The following UNC13C variants were observed in gnomAD, a reference collection of about 807,000 sequenced individuals.
UNC13C encodes the protein unc-13 homolog C, also known as protein unc-13 homolog C.
Under a neutral mutation model 245.4 loss-of-function variants are expected in UNC13C, and 174 were observed. The observed-to-expected ratio is 0.71, with a 90% CI of 0.63 to 0.80. UNC13C has a LOEUF of 0.80. UNC13C is among the 30% of genes least tolerant of loss of function. The pLI, the probability that UNC13C is intolerant of heterozygous loss-of-function variation, is 0.00. For synonymous variants in UNC13C, 992 were observed against 895.1 expected (o/e 1.11, Z -1.93); for missense variants, 2,829 against 2,602.9 (o/e 1.09, Z -1.89).
intron 30 of UNC13C, among the ~76,000 whole-genome samples, chr15:54,582,456 G>T (rs1271029141): frequency 6.6e-6 from 1 of 152,164 alleles, no homozygotes; most frequent in African/African-American, 2.4e-5. Flanking sequence ...AATTCAGGAG[G>T]TGATTCTTGA....
intron 30 of UNC13C, among the ~76,000 whole-genome samples, chr15:54,610,946 A>G (rs975470160): frequency 2.0e-5 from 3 of 152,232 alleles, no homozygotes; most frequent in African/African-American, 7.2e-5. Context: ...AAAAAATTTT[A>G]GACAACTATA....
At chr15:54,152,325 C>A (rs747784290) in intron 4 of UNC13C, among the ~76,000 whole-genome samples, 2 of 152,062 alleles carry the variant, frequency 1.3e-5, no homozygotes, top group Non-Finnish European at 2.9e-5. Context: ...AGTTAAGAAA[C>A]CTGAAGACAG....
the UNC13C span, among the ~76,000 whole-genome samples, chr15:53,894,774 G>A: frequency 6.6e-6 from 1 of 152,056 alleles, no homozygotes; most frequent in African/African-American, 2.4e-5. Context: ...GACTGTAAAT[G>A]AGTTTTTTAT....
intron 30 of UNC13C, among the ~76,000 whole-genome samples, chr15:54,585,031 A>C (rs1898414361): frequency 6.6e-6 from 1 of 152,172 alleles, no homozygotes; most frequent in African/African-American, 2.4e-5. Context: ...CCAGACTACC[A>C]TTGGTTATCC....
intron 30 of UNC13C, among the ~76,000 whole-genome samples, chr15:54,603,408 C>T (rs1019041809): frequency 6.6e-6 from 1 of 152,198 alleles, no homozygotes; most frequent in Non-Finnish European, 1.5e-5. Context: ...GTGAAAGATG[C>T]TTATCTGGTT....
At chr15:54,537,724 G>A (rs546354119) in intron 26 of UNC13C, among the ~76,000 whole-genome samples, 2 of 151,798 alleles carry the variant, frequency 1.3e-5, no homozygotes, top group African/African-American at 2.4e-5. Flanking sequence ...ACAAAAACAA[G>A]CAGGAAGGGA....
intron 17 of UNC13C, among the ~76,000 whole-genome samples, chr15:54,347,302 C>T (rs1049393496): frequency 6.6e-6 from 1 of 152,168 alleles, no homozygotes; most frequent in African/African-American, 2.4e-5. Context: ...TACAGTCTCC[C>T]TCCACACCTA....
Position 54,418,878 on chromosome 15 carries a change from T to G in UNC13C, c.4933+3811T>G, listed in dbSNP as rs147307850. Among the ~76,000 whole-genome samples, 270 of 152,226 alleles carry G rather than the reference T, an allele frequency of 1.8e-3. 1 individual carries two copies. The highest frequency in any genetic ancestry group is 6.1e-3 in the African/African-American group (255 of 41,556). On this transcript the variant is annotated intron_variant, in intron 19 of 32. Coordinates refer to ENST00000260323, the MANE Select transcript of UNC13C (RefSeq NM_001080534.3). ...CAGTGTTAATACCATTGACCTAAAC[T>G]TGGAAGCACAGTTCCTCTTTCACAC...
At chr15:54,062,759 G>C (rs899103746) in intron 2 of UNC13C, among the ~76,000 whole-genome samples, 3 of 152,178 alleles carry the variant, frequency 2.0e-5, no homozygotes, top group Admixed American at 6.5e-5. Flanking sequence ...CCAGGAATCT[G>C]TTGTTCAATA....
At chr15:54,442,635 T>C (rs1353197140) in intron 19 of UNC13C, among the ~76,000 whole-genome samples, 1 of 152,120 alleles carries the variant, frequency 6.6e-6, no homozygotes, top group African/African-American at 2.4e-5. Flanking sequence ...GCCTAGTTTA[T>C]TGAGAAGATT....
At chr15:54,051,561 T>C (rs1897266309) in intron 2 of UNC13C, among the ~76,000 whole-genome samples, 1 of 152,144 alleles carries the variant, frequency 6.6e-6, no homozygotes, top group Admixed American at 6.5e-5. Flanking sequence ...TAGCTGCTGA[T>C]CAGATAGCTG....
At position 54,615,300 on chromosome 15, in the gene UNC13C, C is replaced by A. The variant is rs369619127; in HGVS notation, c.6107-7027C>A. 1.6e-3 allele frequency among the ~76,000 whole-genome samples: 246 copies of A among 152,164 alleles called. 11 individuals are homozygous for A. The South Asian group carries it at 0.045, about 28-fold the overall frequency. Reference sequence around the variant, plus strand: ...CCTATTGTACTACCAAAAAGAGGGTCTGTCTTCTTAACTTCCTTTGGTTAC... The same window carrying A: ...CCTATTGTACTACCAAAAAGAGGGTATGTCTTCTTAACTTCCTTTGGTTAC... On this transcript the variant is annotated intron_variant, in intron 30 of 32. Transcript: ENST00000260323.
chr15:54,114,055 G>A (rs893533494), intron 2 of UNC13C, among the ~76,000 whole-genome samples: 2 of 152,064 alleles, frequency 1.3e-5, no homozygotes, highest in Non-Finnish European at 1.5e-5. Context: ...TCACCAGTGT[G>A]CACTCACACT....
chr15:53,927,536 C>G, the UNC13C span, among the ~76,000 whole-genome samples: 1 of 152,090 alleles, frequency 6.6e-6, no homozygotes. Flanking sequence ...GGTGATAATT[C>G]CACTAACAAG....
chr15:54,049,970 G>A (rs930179804), intron 2 of UNC13C: 2 of 214,148 alleles, frequency 9.3e-6, no homozygotes, highest in Admixed American at 5.4e-5. Context: ...GCATTTGATC[G>A]AAGAGGTTTC....
At chr15:53,893,700 C>G in the UNC13C span, among the ~76,000 whole-genome samples, 8 of 151,826 alleles carry the variant, frequency 5.3e-5, no homozygotes, top group South Asian at 2.1e-4. Context: ...GTCCCTCCCC[C>G]CACCAAGCTC....
intron 28 of UNC13C, among the ~76,000 whole-genome samples, chr15:54,553,429 T>C (rs991730818): frequency 6.0e-5 from 8 of 133,714 alleles, no homozygotes; most frequent in African/African-American, 2.2e-4. Flanking sequence ...ATATTATATA[T>C]AATATATAAT....
chr15:54,275,837 T>G (rs1403693594), intron 10 of UNC13C, among the ~76,000 whole-genome samples: 1 of 152,098 alleles, frequency 6.6e-6, no homozygotes, highest in Admixed American at 6.5e-5. Flanking sequence ...TTATAATAAC[T>G]TAAAACTGAA....
chr15:53,998,692 A>G (rs1243620108), intron 1 of UNC13C, among the ~76,000 whole-genome samples: 3 of 152,252 alleles, frequency 2.0e-5, no homozygotes, highest in Non-Finnish European at 2.9e-5. Context: ...CTTAATCCCT[A>G]TCTAAGAGAA....
Sources: allele counts gnomAD v4.1 joint callset (sites outside exome capture counted in the v4.1 genomes callset), GRCh38; gene constraint gnomAD v4.1.1; transcripts MANE v1.5; gene names NCBI Gene and HGNC (gene_info 2026-07-23, HGNC 2026-07-21).